DGCR2: variants seen among roughly 807,000 people sequenced by gnomAD.
The protein encoded by DGCR2 is integral membrane protein DGCR2/IDD.
DGCR2 carries 24 observed loss-of-function variants against 51.6 expected under a neutral mutation model. That is an observed-to-expected ratio of 0.47 (90% confidence interval 0.34 to 0.65). The LOEUF is 0.65. Among genes scored for constraint, DGCR2 ranks in the 30% least tolerant of loss-of-function variants. DGCR2 has a pLI of 0.01. For synonymous variants in DGCR2, 340 were observed against 315.4 expected, an observed-to-expected ratio of 1.08 and a Z score of -0.82; for missense variants, 765 against 772.1, an observed-to-expected ratio of 0.99 and a Z score of 0.11.
chr22:19,117,117 G>T (rs1388806042), intron 1 of DGCR2, among the ~76,000 whole-genome samples: 2 of 152,110 alleles, frequency 1.3e-5, no homozygotes, highest in African/African-American at 4.8e-5. Context: ...GAGGATCTGT[G>T]CGTAACAAGA....
At chr22:19,063,495 C>A (rs45511793) in intron 4 of DGCR2, among the ~76,000 whole-genome samples, 14,435 of 151,388 alleles carry the variant, frequency 0.095, 754 homozygotes, top group Middle Eastern at 0.15. Flanking sequence ...CAGGCCACCA[C>A]GCCCAGCTAA....
intron 1 of DGCR2, among the ~76,000 whole-genome samples, chr22:19,090,474 T>C (rs1290696434): frequency 2.6e-5 from 4 of 152,198 alleles, no homozygotes; most frequent in African/African-American, 7.2e-5. Context: ...TGACAGCAGA[T>C]TTCTCATTAG....
At chr22:19,074,884 C>T (rs1312092434) in intron 2 of DGCR2, among the ~76,000 whole-genome samples, 2 of 152,134 alleles carry the variant, frequency 1.3e-5, no homozygotes, top group African/African-American at 2.4e-5. Flanking sequence ...ACCCAGGTTT[C>T]CCGCTACAGG....
At chr22:19,041,362 G>A (rs1294446828) in intron 8 of DGCR2, 68 bp from the exon 9 acceptor site, 24 of 1,500,492 alleles carry the variant, frequency 1.6e-5, no homozygotes, top group Non-Finnish European at 2.0e-5. Context: ...TGGCTCCTGA[G>A]CCCCCCACCC....
intron 5 of DGCR2, among the ~76,000 whole-genome samples, chr22:19,062,789 T>TCTCTCTCTCTC (rs2082691486): frequency 1.4e-5 from 2 of 145,758 alleles, no homozygotes; most frequent in African/African-American, 2.5e-5. Flanking sequence ...ACTCTCTCTC[T>TCTCTCTCTCTC]CTCTCTCTCT....
intron 2 of DGCR2, among the ~76,000 whole-genome samples, chr22:19,071,913 G>A (rs149335229): frequency 1.3e-5 from 2 of 152,120 alleles, no homozygotes; most frequent in South Asian, 2.1e-4. Context: ...GAGCAACTGC[G>A]GCAGGTGAAC....
Position 19,122,056 on chromosome 22 carries a change from A to G in DGCR2, c.79+72T>C, listed in dbSNP as rs940532650. 5.3e-6 allele frequency: 6 copies of G among 1,125,212 alleles called. No homozygotes were observed. In the African/African-American group the frequency reaches 6.7e-5, roughly 13 times the overall value. 69.7% of individuals were successfully genotyped at this position (1,125,212 alleles called of 1,614,324 possible). On this transcript the variant is annotated intron_variant, in intron 1 of 9. Transcript: ENST00000263196. Reference sequence around the variant, plus strand: ...CCCCTGCAGGAGGGCGCCGCGGGTGAAAGGAGGTCCCGGGGCGACCCCGGC... The same window carrying G: ...CCCCTGCAGGAGGGCGCCGCGGGTGGAAGGAGGTCCCGGGGCGACCCCGGC...
At chr22:19,049,809 A>G (rs2146314251) in intron 6 of DGCR2, among the ~76,000 whole-genome samples, 1 of 147,826 alleles carries the variant, frequency 6.8e-6, no homozygotes, top group Non-Finnish European at 1.5e-5. Flanking sequence ...CCTGGGCGAC[A>G]GCATGAGACT....
chr22:19,089,132 TG>T (rs1172568407), intron 2 of DGCR2, among the ~76,000 whole-genome samples: 2 of 152,206 alleles, frequency 1.3e-5, no homozygotes, highest in Admixed American at 6.5e-5. Context: ...TGGAGCCTCC[TG>T]GGCATCTCAC....
Position 19,084,751 on chromosome 22 carries a change from G to A in DGCR2, c.202+4617C>T, listed in dbSNP as rs373229513. The stretch of plus-strand genomic sequence containing the variant: ...CCCCGCCCGGCCAGCCGCCCCGTCC[G>A]GGAGGGAGGTGGGGGGTCAGCCCCC... On this transcript the variant is annotated intron_variant, in intron 2 of 9. Coordinates refer to ENST00000263196, the MANE Select transcript of DGCR2 (RefSeq NM_005137.3). 8.1e-3 allele frequency among the ~76,000 whole-genome samples: 1,142 copies of A among 140,842 alleles called. 21 individuals carry two copies. The highest frequency in any genetic ancestry group is 0.03 in the East Asian group (135 of 4,468). 92.4% of individuals were successfully genotyped at this position (140,842 alleles called of 152,430 possible).
chr22:19,095,154 G>C (rs1416423715), intron 1 of DGCR2, among the ~76,000 whole-genome samples: 2 of 151,840 alleles, frequency 1.3e-5, no homozygotes, highest in African/African-American at 4.8e-5. Context: ...CCTGAGGTCG[G>C]GAGTTCGAGA....
chr22:19,117,695 T>C (rs1204532228), intron 1 of DGCR2, among the ~76,000 whole-genome samples: 1 of 152,234 alleles, frequency 6.6e-6, no homozygotes, highest in Non-Finnish European at 1.5e-5. Flanking sequence ...GCAAAGGATA[T>C]GCAGGTGTTC....
chr22:19,041,871 G>C lies in DGCR2; in HGVS notation c.1095C>G (p.Leu365=). 1 of 1,613,556 alleles carries C rather than the reference G, an allele frequency of 6.2e-7. No homozygotes were observed. Among genetic ancestry groups the C allele is most frequent in the Non-Finnish European group, 8.5e-7 (1 of 1,179,986 alleles). ...ISSFLILSLL[L]FMVHRLRQRR... ...GCTGGCGCAGCCGGTGGACCATGAA[G>C]AGCAGCAGTGACAGGATGAGGAAGG... The change falls in exon 8 of 10, where the codon CTC becomes CTG. Residue 365 remains leucine (L), a synonymous_variant. Transcript: ENST00000263196.
At chr22:19,111,293 C>G (rs1333416476) in intron 1 of DGCR2, among the ~76,000 whole-genome samples, 3 of 152,180 alleles carry the variant, frequency 2.0e-5, no homozygotes, top group Non-Finnish European at 4.4e-5. Context: ...CTGGTGCAGT[C>G]AGAACTGTGA....
At chr22:19,084,572 C>A (rs2082986802) in intron 2 of DGCR2, among the ~76,000 whole-genome samples, 1 of 150,566 alleles carries the variant, frequency 6.6e-6, no homozygotes, top group Non-Finnish European at 1.5e-5. Flanking sequence ...GGCAGCCACC[C>A]CGTCTGAGAA....
At chr22:19,102,167 CA>C (rs1239311812) in intron 1 of DGCR2, among the ~76,000 whole-genome samples, 1 of 152,148 alleles carries the variant, frequency 6.6e-6, no homozygotes, top group African/African-American at 2.4e-5. Flanking sequence ...AGAAGACAGA[CA>C]CAAAAGAGGC....
chr22:19,062,803 T>TCTCTC (rs2082693270), intron 5 of DGCR2, among the ~76,000 whole-genome samples: 1 of 149,012 alleles, frequency 6.7e-6, no homozygotes. Context: ...TCTCTCTCTC[T>TCTCTC]CTCTATCTGC....
intron 1 of DGCR2, among the ~76,000 whole-genome samples, chr22:19,103,416 C>CTTTTTTTTTTTT (rs55877455): frequency 3.0e-5 from 2 of 67,716 alleles, no homozygotes; most frequent in African/African-American, 4.9e-5. Flanking sequence ...AAAAAAAGTT[C>CTTTTTTTTTTTT]TTTTTTTTTT....
intron 2 of DGCR2, among the ~76,000 whole-genome samples, chr22:19,071,918 G>C (rs1400430079): frequency 2.6e-5 from 4 of 152,188 alleles, no homozygotes; most frequent in Non-Finnish European, 5.9e-5. Flanking sequence ...ACTGCGGCAG[G>C]TGAACCCGGG....
Sources: allele counts gnomAD v4.1 joint callset (sites outside exome capture counted in the v4.1 genomes callset), GRCh38; gene constraint gnomAD v4.1.1; transcripts MANE v1.5; gene names NCBI Gene and HGNC (gene_info 2026-07-23, HGNC 2026-07-21).